Variants in ZNF44 observed in about 807,000 individuals in gnomAD.
ZNF44 encodes gonadotropin inducible transcription repressor-2.
ZNF44 carries 9 observed loss-of-function variants against 11.7 expected under a neutral mutation model. That is an observed-to-expected ratio of 0.77 (90% CI 0.46 to 1.35). The LOEUF is 1.35. Ranked by LOEUF, ZNF44 falls within the 40% of genes most tolerant of loss-of-function variation. ZNF44 has a pLI of 0.00. For synonymous variants in ZNF44, 224 were observed against 242.7 expected, an observed-to-expected ratio of 0.92 and a Z score of 0.72; for missense variants, 696 against 743.1, an observed-to-expected ratio of 0.94 and a Z score of 0.74.
intron 1 of ZNF44, among the ~76,000 whole-genome samples, chr19:12,288,695 T>G (rs960119089): frequency 6.9e-6 from 1 of 145,306 alleles, no homozygotes; most frequent in African/African-American, 2.6e-5. Context: ...GAGGCGGAGG[T>G]TGCAGTGAGC....
chr19:12,261,802 C>T (rs1344098564), intron 5 of ZNF44, among the ~76,000 whole-genome samples: 1 of 152,088 alleles, frequency 6.6e-6, no homozygotes, highest in African/African-American at 2.4e-5. Context: ...CTAGGGTAAA[C>T]CAGGATATTC....
chr19:12,226,354 G>A (rs1915918597), exon 4 of ZNF44: 1 of 152,160 alleles, frequency 6.6e-6, no homozygotes, highest in Admixed American at 6.5e-5. Context: ...CTGTCAGAAA[G>A]TGACATTCTT....
At chr19:12,274,266 CTTTTTTTTT>C (rs869093549) in intron 3 of ZNF44, among the ~76,000 whole-genome samples, 1 of 90,204 alleles carries the variant, frequency 1.1e-5, no homozygotes, top group Admixed American at 1.4e-4. Context: ...ATTCTTAATT[CTTTTTTTTT>C]TTTTTTTTTT....
chr19:12,271,489 A>G (rs1243530582), downstream of ZNF44, among the ~76,000 whole-genome samples: 1 of 152,206 alleles, frequency 6.6e-6, no homozygotes, highest in East Asian at 1.9e-4. Context: ...GATTCAAGTT[A>G]GCCTGAGGTC....
chr19:12,237,059 A>AT (rs1256917310), intron 1 of ZNF44: 4 of 152,258 alleles, frequency 2.6e-5, no homozygotes, highest in African/African-American at 9.6e-5. Flanking sequence ...ATAGTTAAAT[A>AT]TTTAACGGTG....
In ZNF44 at chr19:12,273,252, C is replaced by T. The variant is rs1967048026; in HGVS notation, c.1003G>A (p.Gly335Arg). 4.3e-6 allele frequency: 7 copies of T among 1,613,972 alleles called. No homozygotes were observed. Among genetic ancestry groups the T allele is most frequent in the Non-Finnish European group, 5.9e-6 (7 of 1,179,984 alleles). The stretch of plus-strand genomic sequence containing the variant: ...CCACATATCTTACATTTATGAGGTC[C>T]ATCTCCACTGTGCATTATCATGTGT... The part of the protein sequence containing the change: ...QRHMIMHSGD[G>R]PHKCKICGKG... The change falls in exon 4 of 4, where the codon GGA (glycine) becomes AGA (arginine). Residue 335 changes from glycine to arginine, a missense_variant. Coordinates refer to ENST00000355684, the MANE Select transcript of ZNF44 (RefSeq NM_016264.4).
intron 1 of ZNF44, among the ~76,000 whole-genome samples, chr19:12,290,781 G>A (rs570479009): frequency 1.6e-4 from 25 of 152,166 alleles, no homozygotes; most frequent in African/African-American, 6.0e-4. Context: ...ATTAGGCTGG[G>A]ACACCTGCAG....
chr19:12,286,600 G>A (rs1967761242), intron 1 of ZNF44, among the ~76,000 whole-genome samples: 1 of 151,712 alleles, frequency 6.6e-6, no homozygotes, highest in Admixed American at 6.6e-5. Flanking sequence ...TTGTGCTACT[G>A]CACTCCAGCC....
chr19:12,278,732 A>G (rs1967338842), intron 1 of ZNF44, among the ~76,000 whole-genome samples: 1 of 152,128 alleles, frequency 6.6e-6, no homozygotes, highest in Non-Finnish European at 1.5e-5. Context: ...TTCAAGGAAA[A>G]AAAAAAAAGA....
chr19:12,276,141 T>C (rs11880809), intron 1 of ZNF44, 59 bp from the exon 2 acceptor site: 2 of 1,568,696 alleles, frequency 1.3e-6, no homozygotes, highest in Admixed American at 1.7e-5. Flanking sequence ...TGAGAACCTA[T>C]ACTCACCTTC....
Position 12,273,173 on chromosome 19 carries a change from A to G in ZNF44, c.1082T>C (p.Leu361Pro), listed in dbSNP as rs377094184. Residue 361 changes from leucine to proline, a missense_variant, in exon 4 of 4, where the codon CTA becomes CCA. Coordinates refer to ENST00000355684, the MANE Select transcript of ZNF44 (RefSeq NM_016264.4). ...TTGCTTACATTCATAGGGTTTCTCTAGAGTGTGAGTTCCTTCATGAATTCG... is the reference window on the plus strand; with the variant it reads ...TTGCTTACATTCATAGGGTTTCTCTGGAGTGTGAGTTCCTTCATGAATTCG... ...SARIHEGTHT[L>P]EKPYECKQCG... The G allele has an allele frequency of 2.5e-6, 4 of 1,613,822 alleles. No individual in the cohort carries two copies. Among genetic ancestry groups the G allele is most frequent in the Admixed American group, 1.7e-5 (1 of 59,972 alleles).
intron 3 of ZNF44, among the ~76,000 whole-genome samples, chr19:12,227,117 G>A (rs1039387071): frequency 6.6e-6 from 1 of 152,248 alleles, no homozygotes; most frequent in South Asian, 2.1e-4. Context: ...AGTTCATGCA[G>A]TTAATTCCTG....
chr19:12,283,827 A>G (rs1967598223), intron 1 of ZNF44, among the ~76,000 whole-genome samples: 1 of 152,198 alleles, frequency 6.6e-6, no homozygotes, highest in Non-Finnish European at 1.5e-5. Context: ...CCAGCCCGGC[A>G]ACATGGCAGA....
At chr19:12,275,059 C>A in intron 2 of ZNF44, 26 bp from the exon 3 acceptor site, 1 of 1,526,714 alleles carries the variant, frequency 6.6e-7, no homozygotes, top group South Asian at 1.2e-5. Context: ...AGAAAATTCA[C>A]TATAAATTAT....
chr19:12,269,279 C>T (rs1216572552), downstream of ZNF44, among the ~76,000 whole-genome samples: 1 of 152,174 alleles, frequency 6.6e-6, no homozygotes, highest in East Asian at 1.9e-4. Flanking sequence ...AATCCCAGCA[C>T]TTTGGGAGGC....
chr19:12,294,199 C>G (rs1968138986), intron 1 of ZNF44, among the ~76,000 whole-genome samples: 1 of 152,192 alleles, frequency 6.6e-6, no homozygotes, highest in African/African-American at 2.4e-5. Flanking sequence ...GGTTTCTTCA[C>G]CTCCAGTCCC....
downstream of ZNF44, among the ~76,000 whole-genome samples, chr19:12,269,577 G>C (rs1966892975): frequency 6.6e-6 from 1 of 152,016 alleles, no homozygotes; most frequent in South Asian, 2.1e-4. Flanking sequence ...TCCCCAGGCT[G>C]GTCTTGAACT....
At chr19:12,259,380 C>A (rs374352342) in intron 5 of ZNF44, among the ~76,000 whole-genome samples, 1 of 152,044 alleles carries the variant, frequency 6.6e-6, no homozygotes. Context: ...AGTATTAATC[C>A]CATGAAGGTT....
chr19:12,229,714 C>A (rs907370037), intron 3 of ZNF44, among the ~76,000 whole-genome samples: 3 of 151,826 alleles, frequency 2.0e-5, no homozygotes, highest in Non-Finnish European at 4.4e-5. Context: ...CCCAGGTTCA[C>A]GCCATTCTTC....
Sources: gnomAD v4.1 joint callset for allele counts (sites outside exome capture counted in the v4.1 genomes callset) on GRCh38, gnomAD v4.1.1 for gene constraint, MANE v1.5 for transcripts, NCBI Gene and HGNC (gene_info 2026-07-23, HGNC 2026-07-21) for gene names.